The following PPP1R12A variants were observed in gnomAD, a reference collection of about 807,000 sequenced individuals.
The protein encoded by PPP1R12A is myosin binding subunit.
A neutral mutation model predicts 139.6 loss-of-function variants in PPP1R12A; 19 were observed. That is an observed-to-expected ratio of 0.14 (90% CI 0.09 to 0.20). The LOEUF (loss-of-function observed/expected upper bound fraction) is 0.20. PPP1R12A is among the 10% of genes least tolerant of loss of function. The pLI is 1.00. For missense variants in PPP1R12A, 925 were observed against 1,211.5 expected (o/e 0.76, Z 3.51); for synonymous variants, 427 against 420.6 (o/e 1.02, Z -0.19).
At chr12:79,910,583 T>C (rs1462081940) in intron 1 of PPP1R12A, among the ~76,000 whole-genome samples, 3 of 152,086 alleles carry the variant, frequency 2.0e-5, no homozygotes, top group African/African-American at 7.2e-5. Flanking sequence ...ATAAGAGCTA[T>C]GTAAAATTAA....
At chr12:79,922,964 G>C (rs1887557041) in intron 1 of PPP1R12A, among the ~76,000 whole-genome samples, 5 of 152,130 alleles carry the variant, frequency 3.3e-5, no homozygotes, top group Admixed American at 3.3e-4. Context: ...AATACAATGT[G>C]ATGAGCGAGT....
chr12:79,840,690 GTTC>G (rs1023010202), intron 3 of PPP1R12A, among the ~76,000 whole-genome samples: 53 of 152,226 alleles, frequency 3.5e-4, no homozygotes, highest in African/African-American at 1.3e-3. Context: ...AGACAGCCTT[GTTC>G]TTCATTTCAA....
intron 2 of PPP1R12A, among the ~76,000 whole-genome samples, chr12:79,854,626 T>C (rs1232603309): frequency 6.6e-6 from 1 of 152,210 alleles, no homozygotes; most frequent in Admixed American, 6.5e-5. Context: ...TTTGTGTGAT[T>C]TCTCTCTATG....
chr12:79,778,523 CTCTCA>C (rs1344238291), intron 24 of PPP1R12A, 22 bp downstream of exon 24: 3 of 1,432,594 alleles, frequency 2.1e-6, no homozygotes, highest in African/African-American at 1.4e-5. Context: ...ACAGCACTCT[CTCTCA>C]TAAGTAACAT....
At chr12:79,899,257 T>A (rs1471112780) in intron 1 of PPP1R12A, among the ~76,000 whole-genome samples, 23 of 2,080 alleles carry the variant, frequency 0.011, no homozygotes, top group African/African-American at 0.038. Context: ...TATATATATA[T>A]ATATATATAT....
chr12:79,834,265 C>T (rs1283669562), intron 3 of PPP1R12A, among the ~76,000 whole-genome samples: 1 of 152,124 alleles, frequency 6.6e-6, no homozygotes, highest in East Asian at 1.9e-4. Flanking sequence ...GGAAAACATT[C>T]CAGGCAGAGG....
chr12:79,895,427 T>C (rs1313176545), intron 1 of PPP1R12A, among the ~76,000 whole-genome samples: 2 of 152,188 alleles, frequency 1.3e-5, no homozygotes, highest in East Asian at 3.8e-4. Flanking sequence ...TACTCATGAC[T>C]TCAAAATTAA....
In PPP1R12A at chr12:79,934,862, G is replaced by A. The variant is rs1188070374; in HGVS notation, c.70C>T (p.Leu24Phe). 6.2e-7 allele frequency: 1 copy of A among 1,611,654 alleles called. No homozygotes were observed. Among genetic ancestry groups the A allele is most frequent in the Non-Finnish European group, 8.5e-7 (1 of 1,179,066 alleles). ...LKRWIGSETD[L>F]EPPVVKRQKT... ...TGGCGCTTCACCACCGGAGGCTCGAGGTCCGTCTCGGAGCCGATCCAGCGT... is the reference window on the plus strand; with the variant it reads ...TGGCGCTTCACCACCGGAGGCTCGAAGTCCGTCTCGGAGCCGATCCAGCGT... Residue 24 changes from leucine to phenylalanine, a missense_variant, in exon 1 of 25, where the codon CTC becomes TTC. This residue lies in a region of PPP1R12A where 199 missense variants were observed against 352.4 expected (regional missense o/e 0.56). Transcript: ENST00000450142.
intron 5 of PPP1R12A, among the ~76,000 whole-genome samples, chr12:79,824,701 T>G (rs1592673483): frequency 1.3e-5 from 2 of 152,220 alleles, no homozygotes; most frequent in East Asian, 3.8e-4. Flanking sequence ...AAACATTATT[T>G]GGTTCTTAAC....
chr12:79,850,331 G>A (rs574081121), intron 2 of PPP1R12A, among the ~76,000 whole-genome samples: 4 of 152,322 alleles, frequency 2.6e-5, no homozygotes, highest in South Asian at 4.1e-4. Flanking sequence ...TGGTTGCAAT[G>A]TGAATATGGT....
chr12:79,864,270 A>G (rs976985966), intron 2 of PPP1R12A, among the ~76,000 whole-genome samples: 2 of 152,242 alleles, frequency 1.3e-5, no homozygotes, highest in Non-Finnish European at 2.9e-5. Flanking sequence ...AGGCAGAGAT[A>G]AAGATGTTCT....
chr12:79,782,060 C>CATAAAA, intron 22 of PPP1R12A, 198 bp from the exon 23 acceptor site: 2 of 366,536 alleles, frequency 5.5e-6, no homozygotes, highest in Non-Finnish European at 9.9e-6. Context: ...AGAATGGTAA[C>CATAAAA]CAGAGCTCTC....
intron 6 of PPP1R12A, among the ~76,000 whole-genome samples, 154 bp from the exon 7 acceptor site, chr12:79,821,320 G>A (rs11114252): frequency 0.63 from 96,406 of 152,188 alleles, 37,674 homozygotes; most frequent in Non-Finnish European, 0.88. Flanking sequence ...AAAGGAAAGA[G>A]CTTGAATAAA....
At chr12:79,788,829 C>A (rs1416305397) in intron 20 of PPP1R12A, 46 bp from the exon 21 acceptor site, 9 of 1,480,406 alleles carry the variant, frequency 6.1e-6, no homozygotes, top group Non-Finnish European at 8.2e-6. Flanking sequence ...TAGGCTTTTA[C>A]AATTATAACA....
At chr12:79,827,451 T>C (rs536001250) in intron 5 of PPP1R12A, among the ~76,000 whole-genome samples, 48 of 152,244 alleles carry the variant, frequency 3.2e-4, no homozygotes, top group Non-Finnish European at 5.4e-4. Flanking sequence ...TATTATCCTA[T>C]AAAATGCAAT....
intron 2 of PPP1R12A, among the ~76,000 whole-genome samples, chr12:79,851,519 T>A (rs957527921): frequency 1.3e-5 from 2 of 152,210 alleles, no homozygotes; most frequent in Non-Finnish European, 2.9e-5. Flanking sequence ...ATTCAAACTA[T>A]TTATCCCCCC....
intron 2 of PPP1R12A, among the ~76,000 whole-genome samples, chr12:79,861,773 G>A (rs573480508): frequency 6.6e-5 from 10 of 152,260 alleles, no homozygotes; most frequent in African/African-American, 2.4e-4. Flanking sequence ...CCATTGCTGG[G>A]CTTGAGTAGG....
At chr12:79,787,178 C>T (rs547765436) in intron 21 of PPP1R12A, 1 of 152,260 alleles carries the variant, frequency 6.6e-6, no homozygotes, top group African/African-American at 2.4e-5. Flanking sequence ...TCATAATTTT[C>T]ATAGGCCAAC....
At chr12:79,902,102 G>A (rs1205990492) in intron 1 of PPP1R12A, among the ~76,000 whole-genome samples, 5 of 152,298 alleles carry the variant, frequency 3.3e-5, no homozygotes, top group Middle Eastern at 6.8e-3. Context: ...TTAAAGATTT[G>A]AGATCTTATT....
Sources: allele counts gnomAD v4.1 joint callset (sites outside exome capture counted in the v4.1 genomes callset), GRCh38; gene constraint gnomAD v4.1.1; regional missense constraint gnomAD v4.1.1; transcripts MANE v1.5; gene names NCBI Gene and HGNC (gene_info 2026-07-23, HGNC 2026-07-21).